GNL2: variants seen among roughly 807,000 people sequenced by gnomAD.
GNL2 encodes G protein nucleolar 2, also known as nucleolar GTP-binding protein 2.
In GNL2, 51 loss-of-function variants were observed where a neutral mutation model predicts 92.3. That is an observed-to-expected ratio of 0.55 (90% CI 0.44 to 0.70). The LOEUF is 0.70. GNL2 is among the 30% of genes least tolerant of loss of function. The pLI is 0.00. For missense variants in GNL2, 844 were observed against 895.6 expected (o/e 0.94, Z 0.74); for synonymous variants, 283 against 300.6 (o/e 0.94, Z 0.61).
intron 8 of GNL2, 71 bp from the exon 9 acceptor site, chr1:37,576,627 A>G (rs1354917903): frequency 6.8e-7 from 1 of 1,477,162 alleles, no homozygotes; most frequent in East Asian, 2.3e-5. Context: ...AGGTTGTATT[A>G]CTTTGTTAAT....
intron 3 of GNL2, among the ~76,000 whole-genome samples, chr1:37,591,856 C>G (rs1170469848): frequency 6.6e-6 from 1 of 152,198 alleles, no homozygotes; most frequent in Admixed American, 6.5e-5. Flanking sequence ...TAGGTTTCAT[C>G]TTATTCTCAT....
intron 4 of GNL2, 139 bp downstream of exon 4, chr1:37,590,567 A>C: frequency 1.4e-6 from 1 of 690,572 alleles, no homozygotes; most frequent in Non-Finnish European, 2.5e-6. Flanking sequence ...AAAGGTGAAA[A>C]GAGAGGTCTT....
intron 13 of GNL2, among the ~76,000 whole-genome samples, chr1:37,568,598 AG>A (rs1643544381): frequency 6.6e-6 from 1 of 152,346 alleles, no homozygotes; most frequent in African/African-American, 2.4e-5. Flanking sequence ...TGGCAATAAC[AG>A]CCAAGTGTGG....
At chr1:37,590,301 TTTC>T (rs1227393878) in intron 4 of GNL2, among the ~76,000 whole-genome samples, 1 of 152,056 alleles carries the variant, frequency 6.6e-6, no homozygotes, top group East Asian at 1.9e-4. Context: ...AGAGACAGGG[TTTC>T]TTCTTGTTGG....
At chr1:37,595,102 A>G (rs1159880248) in intron 1 of GNL2, among the ~76,000 whole-genome samples, 3 of 152,248 alleles carry the variant, frequency 2.0e-5, no homozygotes, top group African/African-American at 4.8e-5. Context: ...TTTATTATCA[A>G]TCCGGAATAA....
intron 1 of GNL2, among the ~76,000 whole-genome samples, chr1:37,594,491 T>C (rs572407485): frequency 6.6e-6 from 1 of 152,340 alleles, no homozygotes; most frequent in Non-Finnish European, 1.5e-5. Flanking sequence ...AATACTAGCC[T>C]AGCTTCTCAT....
At chr1:37,583,046 A>G in intron 6 of GNL2, 110 bp from the exon 7 acceptor site, 2 of 695,776 alleles carry the variant, frequency 2.9e-6, no homozygotes, top group East Asian at 3.0e-5. Flanking sequence ...ACAACTTCAA[A>G]ACAGTCTCTG....
At chr1:37,569,905 G>A (rs550568305) in intron 12 of GNL2, 42 of 152,430 alleles carry the variant, frequency 2.8e-4, no homozygotes, top group African/African-American at 9.6e-4. Context: ...TAAGTCTCAC[G>A]AGAGCTGATG....
In GNL2 at chr1:37,595,477, G is replaced by T. The variant is rs75677870; in HGVS notation, c.64+282C>A. Among the ~76,000 whole-genome samples the T allele has an allele frequency of 2.0e-5, 3 of 152,336 alleles. No homozygotes were observed. In the East Asian group the frequency reaches 5.8e-4, roughly 29 times the overall value. Reference sequence around the variant, plus strand: ...TTCTCTGCATCTCTCAACTGGAGAGGACCCAAGGCTGTCAGCCTGAGTGTT... The same window carrying T: ...TTCTCTGCATCTCTCAACTGGAGAGTACCCAAGGCTGTCAGCCTGAGTGTT... On this transcript the variant is annotated intron_variant, in intron 1 of 15. Transcript: ENST00000373062.
Position 37,582,207 on chromosome 1 carries a change from G to T in GNL2, c.909+16C>A. 1.3e-6 allele frequency: 2 copies of T among 1,526,990 alleles called. No individual in the cohort carries two copies. Among genetic ancestry groups the T allele is most frequent in the South Asian group, 1.1e-5 (1 of 87,424 alleles). 94.6% of individuals were successfully genotyped at this position (1,526,990 alleles called of 1,614,324 possible). On this transcript the variant is annotated intron_variant, in intron 8 of 15. Transcript: ENST00000373062. ...CAGCTACACAACTCCAGGAGAAACA[G>T]ATCAGGGCTCAATACCTTTCCAAAC...
intron 5 of GNL2, among the ~76,000 whole-genome samples, chr1:37,585,592 A>C (rs1643838837): frequency 6.6e-6 from 1 of 152,202 alleles, no homozygotes; most frequent in Admixed American, 6.5e-5. Context: ...TTTTGTCTTT[A>C]CTGCATTACC....
intron 6 of GNL2, chr1:37,583,193 T>C: frequency 3.6e-6 from 1 of 280,928 alleles, no homozygotes; most frequent in Non-Finnish European, 6.6e-6. Flanking sequence ...TCCTAACTAC[T>C]ATGGATTATT....
chr1:37,583,231 CTTT>C (rs1472177722), intron 6 of GNL2: 13 of 209,486 alleles, frequency 6.2e-5, no homozygotes, highest in East Asian at 6.2e-4. Flanking sequence ...TCTTAGACTT[CTTT>C]AAGTTTGTAA....
At chr1:37,586,738 G>A (rs1643855652) in intron 5 of GNL2, among the ~76,000 whole-genome samples, 1 of 152,116 alleles carries the variant, frequency 6.6e-6, no homozygotes, top group African/African-American at 2.4e-5. Flanking sequence ...TATGACTGGT[G>A]TATTACTATT....
intron 1 of GNL2, among the ~76,000 whole-genome samples, chr1:37,595,522 C>G (rs922228756): frequency 1.3e-5 from 2 of 152,206 alleles, no homozygotes; most frequent in Non-Finnish European, 2.9e-5. Context: ...TGACTTCAGA[C>G]CAGTTGACTA....
intron 12 of GNL2, among the ~76,000 whole-genome samples, chr1:37,573,171 G>T (rs1203268304): frequency 6.6e-6 from 1 of 152,162 alleles, no homozygotes; most frequent in Non-Finnish European, 1.5e-5. Flanking sequence ...GTTGTTTGAT[G>T]GTTTGGGCAG....
At chr1:37,585,984 G>C (rs7535432) in intron 5 of GNL2, among the ~76,000 whole-genome samples, 49 of 152,050 alleles carry the variant, frequency 3.2e-4, no homozygotes, top group Middle Eastern at 6.8e-3. Context: ...GCTTTGCTCC[G>C]TAAGAACTTA....
At chr1:37,569,443 A>C in intron 12 of GNL2, 141 bp from the exon 13 acceptor site, 1 of 613,858 alleles carries the variant, frequency 1.6e-6, no homozygotes. Context: ...GAGTCATTTC[A>C]TTAATGTATT....
chr1:37,567,111 G>C, intron 15 of GNL2, 104 bp from the exon 16 acceptor site: 1 of 1,221,522 alleles, frequency 8.2e-7, no homozygotes, highest in Non-Finnish European at 1.1e-6. Flanking sequence ...TCTATTTCCC[G>C]TGCTGCTTCC....
Sources: gnomAD v4.1 joint callset for allele counts (sites outside exome capture counted in the v4.1 genomes callset) on GRCh38, gnomAD v4.1.1 for gene constraint, MANE v1.5 for transcripts, NCBI Gene and HGNC (gene_info 2026-07-23, HGNC 2026-07-21) for gene names.